The following CARMIL3 variants were observed in gnomAD, a reference collection of about 807,000 sequenced individuals.
CARMIL3 encodes capping protein regulator and myosin 1 linker 3.
Under a neutral mutation model 180.8 loss-of-function variants are expected in CARMIL3, and 88 were observed. That is an observed-to-expected ratio of 0.49 (90% CI 0.41 to 0.58). The LOEUF (loss-of-function observed/expected upper bound fraction) is 0.58. Ranked by LOEUF, CARMIL3 falls within the 20% of genes least tolerant of loss-of-function variation. The pLI, the probability that CARMIL3 is intolerant of heterozygous loss-of-function variation, is 0.00. For synonymous variants in CARMIL3, 696 were observed against 714.5 expected (o/e 0.97, Z 0.41); for missense variants, 1,548 against 1,787.0 (o/e 0.87, Z 2.41).
At chr14:24,060,353 C>T in intron 24 of CARMIL3, 98 bp downstream of exon 24, 6 of 1,309,026 alleles carry the variant, frequency 4.6e-6, no homozygotes, top group Non-Finnish European at 5.4e-6. Flanking sequence ...AGAGGCACTG[C>T]ATGGTGCCTA....
rs573542988 is a variant in CARMIL3, at chr14:24,052,104, C to CCGG, written c.-36_-34dup. The CCGG allele has an allele frequency of 1.1e-3, 1,747 of 1,522,020 alleles. 3 individuals are homozygous for CCGG. The highest frequency in any genetic ancestry group is 1.2e-3 in the Non-Finnish European group (1,343 of 1,139,464). 94.3% of individuals were successfully genotyped at this position (1,522,020 alleles called of 1,614,324 possible). On this transcript the variant is annotated 5_prime_UTR_variant, in exon 1 of 40. Coordinates refer to ENST00000342740, the MANE Select transcript of CARMIL3 (RefSeq NM_138360.4). ...CGGGTCTAGCATGTGCCGCGGCTCCCCGGCGGCGGCGGCGGCTCCTCTGCA... is the reference window on the plus strand; with the variant it reads ...CGGGTCTAGCATGTGCCGCGGCTCCCCGGCGGCGGCGGCGGCGGCTCCTCTGCA...
In CARMIL3 at chr14:24,060,987, A is replaced by G. The variant is rs1253602177; in HGVS notation, c.2251A>G (p.Arg751Gly). ...VLANDGPVRQ[R>G]LESVASEVSK... Reference sequence around the variant, plus strand: ...GGCCAATGATGGGCCTGTGCGGCAGAGGCTGGAATCAGTAGCAAGTGAGGT... The same window carrying G: ...GGCCAATGATGGGCCTGTGCGGCAGGGGCTGGAATCAGTAGCAAGTGAGGT... Residue 751 changes from arginine (R) to glycine (G), a missense_variant, in exon 26 of 40, where the codon AGG becomes GGG. Coordinates refer to ENST00000342740, the MANE Select transcript of CARMIL3 (RefSeq NM_138360.4). The G allele has an allele frequency of 6.4e-7, 1 of 1,551,700 alleles. No individual in the cohort carries two copies. The highest frequency in any genetic ancestry group is 1.2e-5 in the South Asian group (1 of 84,066).
At chr14:24,063,204 TCTC>T (rs796928147) in intron 30 of CARMIL3, 21 bp downstream of exon 30, 2 of 1,610,582 alleles carry the variant, frequency 1.2e-6, no homozygotes, top group African/African-American at 2.7e-5. Context: ...CAGCCTCCGT[TCTC>T]ATGGACTCCA....
At position 24,054,129 on chromosome 14, in the gene CARMIL3, C is replaced by T. The variant is rs1365424904; in HGVS notation, c.177C>T (p.Val59=). ...GCCTCCACCTCTTCCTCCTTAAAGT[C>T]CCGGCCAAGGTGAGTTGGGCTGAGG... ...SWRLHLFLLK[V]PAKVESSFNV... is the part of the protein sequence containing the mutation. The change falls in exon 3 of 40, where the codon GTC becomes GTT. Residue 59 remains valine, a synonymous_variant. Coordinates refer to ENST00000342740, the MANE Select transcript of CARMIL3 (RefSeq NM_138360.4). The surrounding 1 kb of genome is among the most constrained non-coding windows in gnomAD (Gnocchi z 5.1). The T allele has an allele frequency of 6.2e-7, 1 of 1,614,072 alleles. No homozygotes were observed. The highest frequency in any genetic ancestry group is 1.3e-5 in the African/African-American group (1 of 74,924).
intron 29 of CARMIL3, 62 bp from the exon 30 acceptor site, chr14:24,063,058 C>T: frequency 6.3e-7 from 1 of 1,590,510 alleles, no homozygotes; most frequent in Non-Finnish European, 8.6e-7. Context: ...AATAAGGTTT[C>T]ATGAGGAATG....
intron 8 of CARMIL3, 65 bp downstream of exon 8, chr14:24,055,375 C>T: frequency 6.4e-7 from 1 of 1,574,228 alleles, no homozygotes; most frequent in Non-Finnish European, 8.7e-7. Context: ...CAGCCCTTCC[C>T]AGGAGTGCCC....
chr14:24,066,348 G>T (rs574807997), intron 34 of CARMIL3, 50 bp from the exon 35 acceptor site: 8 of 1,599,812 alleles, frequency 5.0e-6, no homozygotes, highest in Non-Finnish European at 6.8e-6. Context: ...GTCAGCTGCA[G>T]TCCTGCCACA....
At chr14:24,056,600 C>G (rs375473469) in intron 11 of CARMIL3, 22 bp from the exon 12 acceptor site, 16 of 1,612,804 alleles carry the variant, frequency 9.9e-6, no homozygotes, top group Non-Finnish European at 1.3e-5. Context: ...TCACTGGGCC[C>G]GTTTCTCTCT....
rs755610966 is a variant in CARMIL3 at position 24,054,306 on chromosome 14, G to A, written c.246+5G>A. 1 of 1,614,202 alleles carries A rather than the reference G, an allele frequency of 6.2e-7. No individual in the cohort carries two copies. Among genetic ancestry groups the A allele is most frequent in the Non-Finnish European group, 8.5e-7 (1 of 1,180,028 alleles). ...AACACGCTCAGTCAGAATCAGGTGA[G>A]TACCAGGGCTTTGGGCCCCACTACT... On this transcript the variant is annotated splice_donor_5th_base_variant and intron_variant, in intron 4 of 39. Coordinates refer to ENST00000342740, the MANE Select transcript of CARMIL3 (RefSeq NM_138360.4). The surrounding 1 kb of genome is among the most constrained non-coding windows in gnomAD (Gnocchi z 5.1).
At position 24,054,484 on chromosome 14, in the gene CARMIL3, C is replaced by T; in HGVS notation, c.335C>T (p.Ala112Val). Residue 112 changes from alanine (A) to valine (V), a missense_variant, in exon 5 of 40, where the codon GCC (alanine) becomes GTC (valine). By Grantham distance (64) the Ala-to-Val change is moderately conservative (BLOSUM62 0). This residue lies in a region of CARMIL3 where 578 missense variants were observed against 666.5 expected (regional missense o/e 0.87). Coordinates refer to ENST00000342740, the MANE Select transcript of CARMIL3 (RefSeq NM_138360.4). This position sits in a 1 kb window ranked among gnomAD's most constrained non-coding sequence, Gnocchi z 5.1. ...VDQVTRHVSSALSKVCPGPGC... is the reference protein window; with the variant it reads ...VDQVTRHVSSVLSKVCPGPGC... ...CAGGTGACACGACATGTGAGCTCTG[C>T]CCTGTCCAAGGTCTGCCCTGGCCCT... 6.2e-7 allele frequency: 1 copy of T among 1,613,962 alleles called. No homozygotes were observed. The highest frequency in any genetic ancestry group is 8.5e-7 in the Non-Finnish European group (1 of 1,180,008).
intron 14 of CARMIL3, 125 bp from the exon 15 acceptor site, chr14:24,057,678 C>A: frequency 2.5e-6 from 2 of 785,998 alleles, no homozygotes; most frequent in South Asian, 1.5e-5. Flanking sequence ...TCCAGTGGAG[C>A]TCACACAGGC....
At chr14:24,053,574 C>G in intron 1 of CARMIL3, 135 bp from the exon 2 acceptor site, 1 of 626,242 alleles carries the variant, frequency 1.6e-6, no homozygotes, top group South Asian at 2.2e-5. Context: ...CCCTCTGTCC[C>G]TGTCCTCCCT....
Position 24,054,899 on chromosome 14 carries a change from C to A in CARMIL3, c.460+91C>A, listed in dbSNP as rs533922207. The A allele has an allele frequency of 7.0e-7, 1 of 1,435,712 alleles. No individual in the cohort carries two copies. Among genetic ancestry groups the A allele is most frequent in the Admixed American group, 1.9e-5 (1 of 52,936 alleles). The allele number at this position is 1,435,712 out of a possible 1,614,324, so 88.9% of individuals were successfully genotyped here. A position where few individuals can be genotyped will look rare whatever the true frequency, so the allele number is the denominator to read the frequency against. On this transcript the variant is annotated intron_variant, in intron 6 of 39. Coordinates refer to ENST00000342740, the MANE Select transcript of CARMIL3 (RefSeq NM_138360.4). The surrounding 1 kb of genome is among the most constrained non-coding windows in gnomAD (Gnocchi z 5.1). ...GTGCACAGGGTGTTGCCTGGGCGGG[C>A]GGGCTTTGCCTGCCTGAAGGACTCC...
In CARMIL3 at chr14:24,057,886, GA is replaced by G. The variant is rs1440752060; in HGVS notation, c.1217+8del. 3.1e-6 allele frequency: 5 copies of G among 1,612,900 alleles called. No individual in the cohort carries two copies. The highest frequency in any genetic ancestry group is 4.2e-6 in the Non-Finnish European group (5 of 1,179,944). ...GCAACAGCTGCTCCCACAGGTGGGA[GA>G]GGAGGGGGAAGGGAGGACAGGGCAA... On this transcript the variant is annotated splice_region_variant and intron_variant, in intron 15 of 39. Transcript: ENST00000342740.
In CARMIL3 at chr14:24,068,801, C is replaced by G. The variant is rs780393635; in HGVS notation, c.3817C>G (p.Leu1273Val). The G allele has an allele frequency of 3.1e-6, 5 of 1,614,060 alleles. No homozygotes were observed. The highest frequency in any genetic ancestry group is 4.2e-6 in the Non-Finnish European group (5 of 1,180,032). ...CCTCTGCCAGCTACAGGACCCCGCT[C>G]TAGCTCCATGGCCTCCCAAGCCAGT... ...ARNAKLQDPA[L>V]APWPPKPVAV... is the part of the protein sequence containing the mutation. Residue 1273 changes from leucine (L) to valine (V), a missense_variant, in exon 38 of 40, where the codon CTA becomes GTA. By Grantham distance (32) the Leu-to-Val change is conservative. Coordinates refer to ENST00000342740, the MANE Select transcript of CARMIL3 (RefSeq NM_138360.4).
Position 24,062,542 on chromosome 14 carries a change from A to G in CARMIL3, c.2543A>G (p.Glu848Gly), listed in dbSNP as rs1406373992. The G allele has an allele frequency of 1.9e-6, 3 of 1,614,062 alleles. No homozygotes were observed. The African/African-American group carries it at 4.0e-5, about 22-fold the overall frequency. Reference sequence around the variant, plus strand: ...TCCATAGTGGATGAGATCCTGCAAGAGCTCTACCATTCCCACAAGAGCCTG... The same window carrying G: ...TCCATAGTGGATGAGATCCTGCAAGGGCTCTACCATTCCCACAAGAGCCTG... ...TSSIVDEILQ[E>G]LYHSHKSLAR... The change falls in exon 28 of 40, where the codon GAG (glutamate) becomes GGG (glycine). Residue 848 changes from glutamate (E) to glycine (G), a missense_variant. By Grantham distance (98) the Glu-to-Gly change is moderately conservative (BLOSUM62 -2). Transcript: ENST00000342740.
Position 24,061,466 on chromosome 14 carries a change from G to C in CARMIL3, c.2305-31G>C, listed in dbSNP as rs2035732645. ...TGCCAGCCCTGATCCTGTCCCCCTTGGGCCTCTGGCCTCCCTTTCCCCCAT... is the reference window on the plus strand; with the variant it reads ...TGCCAGCCCTGATCCTGTCCCCCTTCGGCCTCTGGCCTCCCTTTCCCCCAT... On this transcript the variant is annotated intron_variant, in intron 26 of 39. Transcript: ENST00000342740. This position sits in a 1 kb window ranked among gnomAD's most constrained non-coding sequence, Gnocchi z 4.1. 10 of 1,599,594 alleles carry C rather than the reference G, an allele frequency of 6.3e-6. No homozygotes were observed. The highest frequency in any genetic ancestry group is 8.5e-6 in the Non-Finnish European group (10 of 1,171,880).
rs1417974120 is a variant in CARMIL3, at chr14:24,054,245, G to A, written c.190G>A (p.Glu64Lys). ...LFLLKVPAKV[E>K]SSFNVLEIRA... is the part of the protein sequence containing the mutation. Reference sequence around the variant, plus strand: ...TGAGCATCTCCATCCCTCCTAGGTGGAGAGCTCCTTCAATGTCCTGGAGAT... The same window carrying A: ...TGAGCATCTCCATCCCTCCTAGGTGAAGAGCTCCTTCAATGTCCTGGAGAT... The change falls in exon 4 of 40, where the codon GAG becomes AAG. Residue 64 changes from glutamate (E) to lysine (K), a missense_variant. This residue lies in a region of CARMIL3 where 578 missense variants were observed against 666.5 expected (regional missense o/e 0.87). Coordinates refer to ENST00000342740, the MANE Select transcript of CARMIL3 (RefSeq NM_138360.4). The surrounding 1 kb of genome is among the most constrained non-coding windows in gnomAD (Gnocchi z 5.1). 1 of 1,614,034 alleles carries A rather than the reference G, an allele frequency of 6.2e-7. No homozygotes were observed. The highest frequency in any genetic ancestry group is 2.2e-5 in the East Asian group (1 of 44,876).
intron 23 of CARMIL3, 24 bp from the exon 24 acceptor site, chr14:24,060,133 A>C: frequency 6.2e-7 from 1 of 1,613,822 alleles, no homozygotes; most frequent in Non-Finnish European, 8.5e-7. Flanking sequence ...CCAGGCCCTG[A>C]CCCACCAACC....
Sources: allele counts gnomAD v4.1 joint callset, GRCh38; gene constraint gnomAD v4.1.1; regional missense constraint gnomAD v4.1.1; non-coding constraint Gnocchi (gnomAD v3.1); transcripts MANE v1.5; gene names NCBI Gene and HGNC (gene_info 2026-07-23, HGNC 2026-07-21).